RGS6: variants seen among roughly 807,000 people sequenced by gnomAD.
RGS6 encodes the protein regulator of G protein signaling 6.
A neutral mutation model predicts 78.5 loss-of-function variants in RGS6; 30 were observed. The observed-to-expected ratio is 0.38, with a 90% confidence interval of 0.29 to 0.52. RGS6 has a LOEUF of 0.52. Ranked by LOEUF, RGS6 falls within the 20% of genes least tolerant of loss-of-function variation. The probability of loss-of-function intolerance (pLI) is 0.85; values close to 1 mark genes in which losing one functional copy is unlikely to be tolerated. For synonymous variants in RGS6, 206 were observed against 206.0 expected, an observed-to-expected ratio of 1.00 and a Z score of 0.00; for missense variants, 495 against 609.7, an observed-to-expected ratio of 0.81 and a Z score of 1.98.
At chr14:72,178,206 C>T (rs1369665013) in intron 2 of RGS6, among the ~76,000 whole-genome samples, 3 of 152,238 alleles carry the variant, frequency 2.0e-5, no homozygotes, top group African/African-American at 7.2e-5. Context: ...TAGCTAGCAT[C>T]ACATACACTA....
intron 6 of RGS6, among the ~76,000 whole-genome samples, chr14:72,463,252 C>T (rs1456005583): frequency 6.6e-6 from 1 of 152,196 alleles, no homozygotes; most frequent in East Asian, 1.9e-4. Flanking sequence ...AATATCTGAG[C>T]TTAAGACAGT....
chr14:72,467,816 A>G (rs1476850602), intron 7 of RGS6, among the ~76,000 whole-genome samples: 2 of 152,078 alleles, frequency 1.3e-5, no homozygotes, highest in African/African-American at 2.4e-5. Context: ...GTCTGCCCCA[A>G]TGCCCAGCAA....
chr14:72,273,904 T>G (rs2060299964), intron 2 of RGS6, among the ~76,000 whole-genome samples: 1 of 152,224 alleles, frequency 6.6e-6, no homozygotes, highest in Non-Finnish European at 1.5e-5. Context: ...CTCCGGAATG[T>G]GCATGCAAAT....
chr14:72,016,661 G>T (rs571518051), intron 2 of RGS6, among the ~76,000 whole-genome samples: 1 of 152,190 alleles, frequency 6.6e-6, no homozygotes, highest in Non-Finnish European at 1.5e-5. Flanking sequence ...CACCGCGCCC[G>T]ACTGTTCTTT....
At chr14:72,602,109 A>T in the RGS6 span, among the ~76,000 whole-genome samples, 1 of 152,262 alleles carries the variant, frequency 6.6e-6, no homozygotes, top group Non-Finnish European at 1.5e-5. Context: ...GCAAGATAGA[A>T]GATGGCTATA....
chr14:72,223,917 T>A (rs2047480838), intron 2 of RGS6, among the ~76,000 whole-genome samples: 1 of 152,250 alleles, frequency 6.6e-6, no homozygotes, highest in African/African-American at 2.4e-5. Flanking sequence ...CACCCCAGAT[T>A]ACGCCTAGGC....
the RGS6 span, among the ~76,000 whole-genome samples, chr14:71,871,473 C>T: frequency 1.3e-5 from 2 of 152,138 alleles, no homozygotes; most frequent in African/African-American, 4.8e-5. Context: ...TGTGTATTCC[C>T]AAGGTTTGGT....
intron 1 of RGS6, among the ~76,000 whole-genome samples, chr14:71,950,681 T>G (rs1323692940): frequency 6.6e-6 from 1 of 152,142 alleles, no homozygotes; most frequent in Non-Finnish European, 1.5e-5. Context: ...GACAAAGATC[T>G]AATATCCAGA....
intron 2 of RGS6, among the ~76,000 whole-genome samples, chr14:72,336,503 G>A (rs556479097): frequency 6.9e-6 from 1 of 144,452 alleles, no homozygotes; most frequent in South Asian, 2.2e-4. Flanking sequence ...ATAATTAGGT[G>A]TCATCTCCTG....
chr14:71,889,921 C>T, the RGS6 span, among the ~76,000 whole-genome samples: 4 of 152,042 alleles, frequency 2.6e-5, no homozygotes, highest in African/African-American at 4.8e-5. Context: ...TTTCTTGCTC[C>T]TTCTCCTGCC....
chr14:72,405,163 G>A (rs1401801346), intron 3 of RGS6, among the ~76,000 whole-genome samples: 1 of 152,178 alleles, frequency 6.6e-6, no homozygotes, highest in Non-Finnish European at 1.5e-5. Context: ...TAAAGGGGGA[G>A]CTGGGTGGCA....
At chr14:72,218,823 G>A (rs2046210405) in intron 2 of RGS6, among the ~76,000 whole-genome samples, 1 of 151,990 alleles carries the variant, frequency 6.6e-6, no homozygotes, top group Non-Finnish European at 1.5e-5. Flanking sequence ...TGTTGTGCAG[G>A]ATGATCTTGA....
intron 3 of RGS6, among the ~76,000 whole-genome samples, chr14:72,423,205 G>A (rs1422032221): frequency 6.6e-6 from 1 of 152,174 alleles, no homozygotes; most frequent in Non-Finnish European, 1.5e-5. Flanking sequence ...GAACATGGGT[G>A]CCAGACATAG....
At chr14:71,874,068 G>C in the RGS6 span, among the ~76,000 whole-genome samples, 1 of 152,172 alleles carries the variant, frequency 6.6e-6, no homozygotes, top group Non-Finnish European at 1.5e-5. Flanking sequence ...TTTGAAGTCA[G>C]GTAGCATGAT....
At position 72,427,567 on chromosome 14, in the gene RGS6, A is replaced by T. The variant is rs568482283; in HGVS notation, c.185-26961A>T. On this transcript the variant is annotated intron_variant, in intron 3 of 17. Transcript: ENST00000553525. ...ATTATTCTGTTGGGGGTAGTTTGTT[A>T]TACTCATTTTCCCTCCTAACCCCAA... Among the ~76,000 whole-genome samples the T allele has an allele frequency of 3.7e-4, 57 of 152,320 alleles. 1 individual carries two copies. The highest frequency in any genetic ancestry group is 1.3e-3 in the African/African-American group (56 of 41,582).
At chr14:71,884,616 G>A in the RGS6 span, among the ~76,000 whole-genome samples, 5 of 152,040 alleles carry the variant, frequency 3.3e-5, no homozygotes, top group Non-Finnish European at 7.4e-5. Context: ...TTTTTGTCTC[G>A]GGAAAGTGAT....
intron 2 of RGS6, among the ~76,000 whole-genome samples, chr14:72,135,669 G>C (rs902774605): frequency 2.0e-5 from 3 of 151,318 alleles, no homozygotes. Context: ...TAACATTTTT[G>C]TGGGGGTGGG....
intron 2 of RGS6, among the ~76,000 whole-genome samples, chr14:72,114,171 CAGAG>C (rs980263947): frequency 2.6e-5 from 4 of 152,142 alleles, no homozygotes; most frequent in Admixed American, 1.3e-4. Context: ...GTGTGTCAGA[CAGAG>C]AGAGAGGTGC....
At chr14:71,996,762 G>A (rs1390285998) in intron 2 of RGS6, among the ~76,000 whole-genome samples, 1 of 152,092 alleles carries the variant, frequency 6.6e-6, no homozygotes, top group East Asian at 1.9e-4. Context: ...TCTGCCAGGA[G>A]GAAAGTGTGG....
Sources: allele counts gnomAD v4.1 joint callset (sites outside exome capture counted in the v4.1 genomes callset), GRCh38; gene constraint gnomAD v4.1.1; transcripts MANE v1.5; gene names NCBI Gene and HGNC (gene_info 2026-07-23, HGNC 2026-07-21).